The following FSIP1 variants were observed in gnomAD, a reference collection of about 807,000 sequenced individuals.
FSIP1 encodes the protein fibrous sheath interacting protein 1.
FSIP1 carries 65 observed loss-of-function variants against 60.9 expected under a neutral mutation model. The ratio of observed to expected loss-of-function variants is 1.07; its 90% CI spans 0.87 to 1.31. The LOEUF (loss-of-function observed/expected upper bound fraction) is 1.31. Ranked by LOEUF, FSIP1 falls within the 40% of genes most tolerant of loss-of-function variation. The pLI is 0.00. For missense variants in FSIP1, 675 were observed against 665.5 expected, an observed-to-expected ratio of 1.01 and a Z score of -0.16; for synonymous variants, 209 against 221.2, an observed-to-expected ratio of 0.94 and a Z score of 0.49.
chr15:39,639,998 G>A (rs1892295092), intron 10 of FSIP1, among the ~76,000 whole-genome samples: 1 of 152,084 alleles, frequency 6.6e-6, no homozygotes, highest in African/African-American at 2.4e-5. Context: ...ACCTAACAGG[G>A]TACCCAGCAA....
chr15:39,723,282 A>G (rs28657849), intron 9 of FSIP1, among the ~76,000 whole-genome samples: 18,110 of 152,218 alleles, frequency 0.12, 1,320 homozygotes, highest in African/African-American at 0.2. Flanking sequence ...AGGCTGGAGT[A>G]CAGTGGCGCG....
chr15:39,687,384 C>A (rs567430742), intron 10 of FSIP1, among the ~76,000 whole-genome samples: 1 of 152,056 alleles, frequency 6.6e-6, no homozygotes, highest in Non-Finnish European at 1.5e-5. Context: ...AAACTCCTGC[C>A]CTCAGGTGAT....
intron 3 of FSIP1, among the ~76,000 whole-genome samples, chr15:39,767,771 C>T (rs1325058940): frequency 6.6e-6 from 1 of 152,164 alleles, no homozygotes; most frequent in African/African-American, 2.4e-5. Context: ...CAGCCTGACT[C>T]CAGGGGAAGA....
chr15:39,602,656 T>C (rs935133403), intron 11 of FSIP1, among the ~76,000 whole-genome samples: 4 of 152,286 alleles, frequency 2.6e-5, no homozygotes, highest in South Asian at 4.1e-4. Context: ...AATACCCCCA[T>C]GCATGAGGTG....
intron 2 of FSIP1, among the ~76,000 whole-genome samples, chr15:39,776,169 AGGGAGGGGAGGGG>A (rs1898050425): frequency 3.2e-5 from 2 of 62,468 alleles, no homozygotes; most frequent in African/African-American, 1.2e-4. Context: ...GGAGGAGCAG[AGGGAGGGGAGGGG>A]CGGAGGGAGG....
intron 10 of FSIP1, among the ~76,000 whole-genome samples, chr15:39,663,443 C>A (rs1402894946): frequency 6.6e-6 from 1 of 152,072 alleles, no homozygotes; most frequent in Non-Finnish European, 1.5e-5. Flanking sequence ...GTATTCAAAT[C>A]TACGGTAAAT....
At chr15:39,647,636 C>G (rs1237708223) in intron 10 of FSIP1, among the ~76,000 whole-genome samples, 1 of 151,866 alleles carries the variant, frequency 6.6e-6, no homozygotes, top group Admixed American at 6.6e-5. Flanking sequence ...TTCTAACAGT[C>G]TCAGGACATA....
chr15:39,637,782 T>C (rs999583907), intron 10 of FSIP1, among the ~76,000 whole-genome samples: 2 of 151,940 alleles, frequency 1.3e-5, no homozygotes, highest in Admixed American at 6.6e-5. Flanking sequence ...AGAAATCATA[T>C]GTAAGGCAAC....
rs1027692590 is a variant in FSIP1, at chr15:39,766,982, C to T, written c.311-1236G>A. ...AGCTTCTGAACAGCCAGAGCCAGGACTACAGGTGCATGTCACCATACCTGG... is the reference window on the plus strand; with the variant it reads ...AGCTTCTGAACAGCCAGAGCCAGGATTACAGGTGCATGTCACCATACCTGG... On this transcript the variant is annotated intron_variant, in intron 3 of 11. Transcript: ENST00000350221. Among the ~76,000 whole-genome samples the T allele has an allele frequency of 5.3e-5, 8 of 152,218 alleles. 1 individual carries two copies. The South Asian group carries it at 8.3e-4, about 16-fold the overall frequency.
intron 2 of FSIP1, among the ~76,000 whole-genome samples, chr15:39,773,626 C>T (rs944309636): frequency 2.0e-5 from 3 of 152,200 alleles, no homozygotes; most frequent in Admixed American, 6.5e-5. Context: ...CTATGCTACT[C>T]TAAAATTTGC....
At chr15:39,779,472 A>G (rs967176833) in intron 1 of FSIP1, among the ~76,000 whole-genome samples, 1 of 152,206 alleles carries the variant, frequency 6.6e-6, no homozygotes, top group Non-Finnish European at 1.5e-5. Context: ...TCTAGAATGT[A>G]CTAAAAGGTA....
At chr15:39,649,345 T>C (rs1213672990) in intron 10 of FSIP1, among the ~76,000 whole-genome samples, 2 of 152,180 alleles carry the variant, frequency 1.3e-5, no homozygotes, top group Non-Finnish European at 2.9e-5. Flanking sequence ...GTCAAATATA[T>C]TTTAGTCATA....
At chr15:39,759,051 T>A (rs76944365) in intron 5 of FSIP1, among the ~76,000 whole-genome samples, 2,487 of 152,132 alleles carry the variant, frequency 0.016, 80 homozygotes, top group African/African-American at 0.057. Context: ...ATATTTAAAT[T>A]TTTTCATTAA....
intron 9 of FSIP1, among the ~76,000 whole-genome samples, chr15:39,725,560 G>C (rs1306577030): frequency 1.3e-5 from 2 of 152,172 alleles, no homozygotes; most frequent in Non-Finnish European, 2.9e-5. Context: ...ATAGGCTACT[G>C]ATATTTAAAT....
At chr15:39,621,056 T>TAA (rs369925726) in intron 10 of FSIP1, among the ~76,000 whole-genome samples, 11,579 of 134,688 alleles carry the variant, frequency 0.086, 1,675 homozygotes, top group African/African-American at 0.3. Flanking sequence ...GGGCATTTCT[T>TAA]AAAAAAAAAA....
intron 10 of FSIP1, among the ~76,000 whole-genome samples, chr15:39,650,305 A>C (rs184440985): frequency 6.6e-6 from 1 of 152,324 alleles, no homozygotes; most frequent in East Asian, 1.9e-4. Context: ...GGACAATCTT[A>C]TTTGGGAAAT....
chr15:39,755,196 A>T (rs1201601182), intron 5 of FSIP1, among the ~76,000 whole-genome samples: 3 of 151,882 alleles, frequency 2.0e-5, no homozygotes, highest in Non-Finnish European at 4.4e-5. Context: ...AGCCAGAGAG[A>T]TTGAAGCTCT....
intron 10 of FSIP1, among the ~76,000 whole-genome samples, chr15:39,648,470 C>T (rs1352064761): frequency 6.6e-6 from 1 of 152,158 alleles, no homozygotes; most frequent in Non-Finnish European, 1.5e-5. Context: ...CTTAAAAGTT[C>T]TCCAGGTGAT....
chr15:39,636,283 C>G, intron 10 of FSIP1, among the ~76,000 whole-genome samples: 1 of 152,204 alleles, frequency 6.6e-6, no homozygotes, highest in South Asian at 2.1e-4. Context: ...TGGTATTTTT[C>G]TCTATTTGAC....
Sources: allele counts gnomAD v4.1 joint callset (sites outside exome capture counted in the v4.1 genomes callset), GRCh38; gene constraint gnomAD v4.1.1; transcripts MANE v1.5; gene names NCBI Gene and HGNC (gene_info 2026-07-23, HGNC 2026-07-21).